RNF216: variants seen among roughly 807,000 people sequenced by gnomAD.
RNF216 encodes E3 ubiquitin-protein ligase RNF216.
A neutral mutation model predicts 110.8 loss-of-function variants in RNF216; 72 were observed. That is an observed-to-expected ratio of 0.65 (90% CI 0.54 to 0.79). RNF216 has a LOEUF of 0.79. Ranked by LOEUF, RNF216 falls within the 30% of genes least tolerant of loss-of-function variation. The pLI is 0.00. For missense variants in RNF216, 1,342 were observed against 1,141.2 expected, an observed-to-expected ratio of 1.18 and a Z score of -2.54; for synonymous variants, 495 against 407.5, an observed-to-expected ratio of 1.21 and a Z score of -2.59.
chr7:5,678,409 C>A (rs940471196), intron 13 of RNF216, among the ~76,000 whole-genome samples: 2 of 152,176 alleles, frequency 1.3e-5, no homozygotes, highest in Non-Finnish European at 2.9e-5. Context: ...TCGCCAAGGA[C>A]TGACCTACGT....
rs1793402500 is a variant in RNF216 at position 5,721,186 on chromosome 7, G to A, written c.1505-14C>T. ...TTTTTATGTCACCTAGAAGATATAC[G>A]ACAATGCAAAAGCATGCAGACAACT... On this transcript the variant is annotated splice_polypyrimidine_tract_variant and intron_variant, in intron 8 of 16. Coordinates refer to ENST00000389902, the MANE Select transcript of RNF216 (RefSeq NM_207111.4). 3 of 1,612,320 alleles carry A rather than the reference G, an allele frequency of 1.9e-6. No homozygotes were observed. Among genetic ancestry groups the A allele is most frequent in the South Asian group, 1.1e-5 (1 of 91,024 alleles).
At chr7:5,665,049 C>T (rs1005068087) in intron 13 of RNF216, among the ~76,000 whole-genome samples, 3 of 152,274 alleles carry the variant, frequency 2.0e-5, no homozygotes, top group South Asian at 2.1e-4. Flanking sequence ...CTGCCCGCCT[C>T]GGCCTCCCAA....
At chr7:5,679,932 T>C (rs144884604) in intron 13 of RNF216, among the ~76,000 whole-genome samples, 55 of 152,260 alleles carry the variant, frequency 3.6e-4, no homozygotes, top group African/African-American at 1.2e-3. Flanking sequence ...AGAAACACAA[T>C]AGGGACCCTG....
At chr7:5,661,394 T>C (rs982731535) in intron 13 of RNF216, among the ~76,000 whole-genome samples, 1 of 152,210 alleles carries the variant, frequency 6.6e-6, no homozygotes, top group Non-Finnish European at 1.5e-5. Context: ...AAGAAATAAA[T>C]GAGACCTGCT....
rs1227527082 is a variant in RNF216, at chr7:5,692,415, G to A, written c.2061+19346C>T. Among the ~76,000 whole-genome samples, 5 of 152,356 alleles carry A rather than the reference G, an allele frequency of 3.3e-5. No homozygotes were observed. The East Asian group carries it at 9.6e-4, about 29-fold the overall frequency. On this transcript the variant is annotated intron_variant, in intron 13 of 16. Transcript: ENST00000389902. ...AATCAGAACCCATCCTTGTTAGTCA[G>A]ACATACTCTGTGGGAAAAGGCAGCA...
chr7:5,659,808 G>A (rs1252896703), intron 13 of RNF216, among the ~76,000 whole-genome samples: 3 of 152,182 alleles, frequency 2.0e-5, no homozygotes, highest in African/African-American at 4.8e-5. Flanking sequence ...AAGCCTGGCA[G>A]GGGCAGGAAA....
At chr7:5,631,082 C>A (rs1787041247) in intron 15 of RNF216, among the ~76,000 whole-genome samples, 1 of 152,120 alleles carries the variant, frequency 6.6e-6, no homozygotes. Context: ...CTGAGAAGAG[C>A]AGAATTCTGA....
chr7:5,628,916 C>G (rs1003633399), intron 15 of RNF216, among the ~76,000 whole-genome samples: 3 of 152,054 alleles, frequency 2.0e-5, no homozygotes, highest in Admixed American at 6.6e-5. Context: ...TGAAGACAGG[C>G]CAGGTGCAGT....
At chr7:5,632,286 C>T (rs1324633091) in intron 15 of RNF216, among the ~76,000 whole-genome samples, 1 of 152,256 alleles carries the variant, frequency 6.6e-6, no homozygotes, top group Non-Finnish European at 1.5e-5. Flanking sequence ...GCTGCAGTCT[C>T]TGTGCCTCAT....
intron 13 of RNF216, among the ~76,000 whole-genome samples, chr7:5,710,006 AGCC>A (rs1792565877): frequency 6.6e-6 from 1 of 152,166 alleles, no homozygotes; most frequent in Non-Finnish European, 1.5e-5. Flanking sequence ...CTCCTGCCTC[AGCC>A]TCTCAAAGTG....
At chr7:5,698,967 A>T (rs1791802642) in intron 13 of RNF216, among the ~76,000 whole-genome samples, 1 of 152,230 alleles carries the variant, frequency 6.6e-6, no homozygotes, top group African/African-American at 2.4e-5. Context: ...ACTGGAAAGC[A>T]GCAAAGCAAA....
intron 7 of RNF216, among the ~76,000 whole-genome samples, chr7:5,726,951 G>A (rs1203372363): frequency 6.6e-6 from 1 of 152,132 alleles, no homozygotes; most frequent in Admixed American, 6.6e-5. Context: ...GGGTGTGTGA[G>A]GTAAGGCCAT....
intron 13 of RNF216, among the ~76,000 whole-genome samples, chr7:5,661,257 G>C (rs1046550407): frequency 6.6e-6 from 1 of 152,032 alleles, no homozygotes; most frequent in Admixed American, 6.6e-5. Flanking sequence ...GCTGTTTTTC[G>C]AAGGGATTGG....
intron 15 of RNF216, among the ~76,000 whole-genome samples, chr7:5,635,480 ATACCTTTCCT>A (rs1787343272): frequency 6.6e-6 from 1 of 152,050 alleles, no homozygotes; most frequent in Non-Finnish European, 1.5e-5. Flanking sequence ...AAAGTCTAAA[ATACCTTTCCT>A]TACCAGGTTT....
intron 5 of RNF216, among the ~76,000 whole-genome samples, chr7:5,736,565 C>G (rs1794419434): frequency 1.3e-5 from 2 of 152,014 alleles, no homozygotes; most frequent in Non-Finnish European, 2.9e-5. Flanking sequence ...TGAGGAGCGT[C>G]TCTGCCTGGC....
chr7:5,648,741 AG>A (rs1157804569), intron 14 of RNF216, among the ~76,000 whole-genome samples: 3 of 151,328 alleles, frequency 2.0e-5, no homozygotes, highest in African/African-American at 7.3e-5. Context: ...AAAAAAAAAA[AG>A]AAAAGAAAAA....
intron 5 of RNF216, among the ~76,000 whole-genome samples, chr7:5,736,621 G>A (rs1262502911): frequency 7.0e-6 from 1 of 142,308 alleles, no homozygotes; most frequent in African/African-American, 2.7e-5. Flanking sequence ...CGGCTGCCCA[G>A]TCTGGGAAGT....
At chr7:5,769,882 C>CA (rs1796401831) in intron 1 of RNF216, among the ~76,000 whole-genome samples, 1 of 149,576 alleles carries the variant, frequency 6.7e-6, no homozygotes, top group Non-Finnish European at 1.5e-5. Context: ...ATTAAAAATA[C>CA]AAAAATTAGC....
chr7:5,718,427 G>C (rs1417551009), intron 9 of RNF216, among the ~76,000 whole-genome samples: 1 of 152,098 alleles, frequency 6.6e-6, no homozygotes, highest in African/African-American at 2.4e-5. Context: ...ACAAAAGCTA[G>C]ATATTTCTGA....
Sources: allele counts gnomAD v4.1 joint callset (sites outside exome capture counted in the v4.1 genomes callset), GRCh38; gene constraint gnomAD v4.1.1; transcripts MANE v1.5; gene names NCBI Gene and HGNC (gene_info 2026-07-23, HGNC 2026-07-21).